MMP26: variants seen among roughly 807,000 people sequenced by gnomAD.
The protein encoded by MMP26 is matrix metallopeptidase 26.
In MMP26, 33 loss-of-function variants were observed where a neutral mutation model predicts 31.0. That is an observed-to-expected ratio of 1.06 (90% CI 0.81 to 1.42). The LOEUF (loss-of-function observed/expected upper bound fraction) is 1.42, where lower values mean the gene tolerates loss of function less well. MMP26 is among the 40% of genes most tolerant of loss of function. The pLI is 0.00. For synonymous variants in MMP26, 122 were observed against 114.9 expected (o/e 1.06, Z -0.40); for missense variants, 347 against 316.1 (o/e 1.10, Z -0.74).
intron 2 of MMP26, among the ~76,000 whole-genome samples, chr11:4,819,392 G>A (rs1422541520): frequency 1.3e-5 from 2 of 151,776 alleles, no homozygotes; most frequent in East Asian, 1.9e-4. Context: ...TAAGGTACCC[G>A]GGAGAGGGGG....
At chr11:4,933,886 C>T (rs1851391085) in intron 2 of MMP26, among the ~76,000 whole-genome samples, 1 of 149,520 alleles carries the variant, frequency 6.7e-6, no homozygotes, top group South Asian at 2.1e-4. Context: ...ATCCATGTCC[C>T]TACAAAGGAC....
chr11:4,768,985 T>G (rs1848668436), intron 2 of MMP26: 1 of 1,497,230 alleles, frequency 6.7e-7, no homozygotes, highest in Admixed American at 2.3e-5. Flanking sequence ...CTGTTCATTT[T>G]GTAAGCAGCA....
intron 1 of MMP26, among the ~76,000 whole-genome samples, chr11:4,759,010 C>T (rs1302510091): frequency 1.4e-5 from 2 of 147,866 alleles, no homozygotes. Flanking sequence ...ACCTGGGAGG[C>T]TGAGGCAGGA....
intron 1 of MMP26, chr11:4,710,342 C>G (rs1302183593): frequency 1.3e-5 from 6 of 456,754 alleles, no homozygotes; most frequent in Non-Finnish European, 2.2e-5. Flanking sequence ...TCCCCATGAT[C>G]AGTTTGTCAC....
chr11:4,797,879 ATTTG>A (rs1849128209), intron 2 of MMP26, among the ~76,000 whole-genome samples: 1 of 152,030 alleles, frequency 6.6e-6, no homozygotes, highest in African/African-American at 2.4e-5. Flanking sequence ...ATTTTTGCTT[ATTTG>A]TTTGCTTGTT....
chr11:4,942,949 G>C (rs968003731), intron 2 of MMP26: 13 of 152,132 alleles, frequency 8.5e-5, no homozygotes, highest in African/African-American at 2.7e-4. Context: ...ATTGGCCCTA[G>C]TAAAACTAAG....
At chr11:4,834,772 G>A (rs1208712049) in intron 2 of MMP26, among the ~76,000 whole-genome samples, 1 of 151,980 alleles carries the variant, frequency 6.6e-6, no homozygotes, top group African/African-American at 2.4e-5. Context: ...TTTAAATTAA[G>A]AACATAATTA....
Position 4,758,390 on chromosome 11 carries a change from G to T in MMP26, c.-216-8880G>T, listed in dbSNP as rs79814561. ...AAGTGAACATTGAGTTACGTATAAA[G>T]GTAGACTTTTAAACCGGTATAAATA... On this transcript the variant is annotated intron_variant, in intron 1 of 7. Coordinates refer to ENST00000380390, the MANE Select transcript of MMP26 (RefSeq NM_021801.5). 9.3e-4 allele frequency among the ~76,000 whole-genome samples: 140 copies of T among 149,840 alleles called. 1 individual carries two copies. The highest frequency in any genetic ancestry group is 3.3e-3 in the African/African-American group (134 of 40,694).
chr11:4,985,499 C>T (rs962333717), intron 2 of MMP26, among the ~76,000 whole-genome samples: 7 of 152,094 alleles, frequency 4.6e-5, no homozygotes, highest in African/African-American at 1.7e-4. Context: ...GGTTGACATT[C>T]CATTATTTAC....
chr11:4,792,514 T>C (rs1849042188), intron 2 of MMP26, among the ~76,000 whole-genome samples: 1 of 152,162 alleles, frequency 6.6e-6, no homozygotes. Context: ...GTTATGCAGA[T>C]TTTCTCTGTT....
At chr11:4,771,728 A>G (rs1589896098) in intron 2 of MMP26, among the ~76,000 whole-genome samples, 2 of 152,300 alleles carry the variant, frequency 1.3e-5, no homozygotes, top group Admixed American at 1.3e-4. Flanking sequence ...TGTTCCCTTT[A>G]TGCTAGTATT....
At chr11:4,937,826 A>T (rs974127256) in intron 2 of MMP26, 1 of 154,064 alleles carries the variant, frequency 6.5e-6, no homozygotes, top group Admixed American at 6.5e-5. Context: ...GGAAGGATCA[A>T]AAGAACATTC....
intron 2 of MMP26, among the ~76,000 whole-genome samples, chr11:4,987,408 T>G (rs36224986): frequency 0.05 from 7,157 of 142,732 alleles, 244 homozygotes; most frequent in Non-Finnish European, 0.074. Flanking sequence ...TTTTTTGTGG[T>G]TTTTTTTTGT....
At chr11:4,915,596 G>A (rs1244294299) in intron 2 of MMP26, 3 of 1,613,994 alleles carry the variant, frequency 1.9e-6, no homozygotes, top group African/African-American at 2.7e-5. Context: ...CTCCAGCCCA[G>A]GGATGCCACT....
intron 1 of MMP26, among the ~76,000 whole-genome samples, chr11:4,733,926 G>A (rs944024718): frequency 1.3e-5 from 2 of 152,172 alleles, no homozygotes; most frequent in African/African-American, 4.8e-5. Context: ...ACACCTTTGA[G>A]ATGATCATGT....
intron 1 of MMP26, chr11:4,722,730 G>A: frequency 2.3e-6 from 2 of 867,342 alleles, no homozygotes; most frequent in Admixed American, 1.8e-5. Context: ...GGCTGCCACA[G>A]CTGTTCACTT....
chr11:4,967,535 T>C (rs991676309), intron 2 of MMP26, among the ~76,000 whole-genome samples: 3 of 152,204 alleles, frequency 2.0e-5, no homozygotes, highest in African/African-American at 7.2e-5. Flanking sequence ...CAAGATATTC[T>C]GAGGTTCCTG....
chr11:4,933,719 C>G (rs1215064868), intron 2 of MMP26, among the ~76,000 whole-genome samples: 1 of 134,412 alleles, frequency 7.4e-6, no homozygotes, highest in East Asian at 2.6e-4. Flanking sequence ...GCTATTCCTC[C>G]CCCCTCCCCC....
At chr11:4,908,320 A>T in intron 2 of MMP26, 1 of 1,605,194 alleles carries the variant, frequency 6.2e-7, no homozygotes, top group South Asian at 1.1e-5. Context: ...AACTTGAACA[A>T]TTAGGTAATA....
Sources: allele counts gnomAD v4.1 joint callset (sites outside exome capture counted in the v4.1 genomes callset), GRCh38; gene constraint gnomAD v4.1.1; transcripts MANE v1.5; gene names NCBI Gene and HGNC (gene_info 2026-07-23, HGNC 2026-07-21).